PDE9A: variants seen among roughly 807,000 people sequenced by gnomAD.
PDE9A encodes the protein high affinity cGMP-specific 3',5'-cyclic phosphodiesterase 9A.
Under a neutral mutation model 87.4 loss-of-function variants are expected in PDE9A, and 60 were observed. The observed-to-expected ratio is 0.69, with a 90% confidence interval of 0.56 to 0.85. PDE9A has a LOEUF of 0.85. PDE9A is among the 40% of genes least tolerant of loss of function. The probability of loss-of-function intolerance (pLI) is 0.00; values close to 1 mark genes in which losing one functional copy is unlikely to be tolerated. For missense variants in PDE9A, 665 were observed against 779.0 expected (o/e 0.85, Z 1.74); for synonymous variants, 272 against 279.4 (o/e 0.97, Z 0.27).
intron 4 of PDE9A, among the ~76,000 whole-genome samples, chr21:42,712,583 C>T (rs938532878): frequency 6.6e-6 from 1 of 152,178 alleles, no homozygotes; most frequent in African/African-American, 2.4e-5. Context: ...ACGTCCTCGC[C>T]TTGTTCCCAA....
At chr21:42,670,421 CACTT>C (rs1305181653) in intron 1 of PDE9A, among the ~76,000 whole-genome samples, 63 of 71,216 alleles carry the variant, frequency 8.8e-4, no homozygotes, top group Middle Eastern at 7.1e-3. Context: ...CATTCACACG[CACTT>C]ACAGTCACAC....
intron 9 of PDE9A, among the ~76,000 whole-genome samples, chr21:42,753,119 A>T (rs2284969): frequency 1.3e-5 from 2 of 151,846 alleles, no homozygotes; most frequent in African/African-American, 4.8e-5. Flanking sequence ...CAATTCTCCC[A>T]CCTCAGGCTC....
intron 8 of PDE9A, among the ~76,000 whole-genome samples, chr21:42,744,454 C>T (rs1423769283): frequency 6.6e-6 from 1 of 152,042 alleles, no homozygotes; most frequent in Non-Finnish European, 1.5e-5. Flanking sequence ...GCAATGTGTC[C>T]AGCTTGGAAT....
Position 42,759,543 on chromosome 21 carries a change from AGTGTGGG to A in PDE9A, c.897+466_897+472del, listed in dbSNP as rs1386909557. Reference sequence around the variant, plus strand: ...ATGTGTGGGAGCGTGTGTGTGTGTGAGTGTGGGGTGTGGGTGTGAGCATGGGGGTATC... The same window carrying A: ...ATGTGTGGGAGCGTGTGTGTGTGTGAGTGTGGGTGTGAGCATGGGGGTATC... On this transcript the variant is annotated intron_variant, in intron 11 of 19. Transcript: ENST00000291539. This position sits in a 1 kb window ranked among gnomAD's most constrained non-coding sequence, Gnocchi z 7.2. 2.9e-5 allele frequency among the ~76,000 whole-genome samples: 4 copies of A among 138,542 alleles called. No homozygotes were observed. The highest frequency in any genetic ancestry group is 2.1e-4 in the Admixed American group (3 of 14,108). 90.9% of individuals were successfully genotyped at this position (138,542 alleles called of 152,430 possible). A position where few individuals can be genotyped will look rare whatever the true frequency, so the allele number is the denominator to read the frequency against.
intron 1 of PDE9A, among the ~76,000 whole-genome samples, chr21:42,674,469 G>T (rs1191196714): frequency 6.6e-6 from 1 of 152,048 alleles, no homozygotes; most frequent in East Asian, 1.9e-4. Flanking sequence ...GTGACTCTCA[G>T]GATGGAAGAA....
intron 8 of PDE9A, among the ~76,000 whole-genome samples, chr21:42,744,199 A>G (rs2053605791): frequency 6.6e-6 from 1 of 152,186 alleles, no homozygotes; most frequent in East Asian, 1.9e-4. Context: ...CTAAAAATAC[A>G]AACGGTAGCC....
intron 4 of PDE9A, among the ~76,000 whole-genome samples, chr21:42,719,639 CAAAAAAA>C (rs35644198): frequency 4.6e-5 from 6 of 131,150 alleles, no homozygotes; most frequent in South Asian, 2.5e-4. Context: ...GAGTCTGTCT[CAAAAAAA>C]AAAAAAAAAA....
intron 4 of PDE9A, among the ~76,000 whole-genome samples, chr21:42,699,541 CCTTTTT>C (rs201983519): frequency 6.8e-6 from 1 of 146,832 alleles, no homozygotes; most frequent in Non-Finnish European, 1.5e-5. Context: ...GTGTTACAAT[CCTTTTT>C]CTTTTTCTTT....
In PDE9A at chr21:42,760,994, C is replaced by T. The variant is rs2055698395; in HGVS notation, c.1085+87C>T. ...TGTCAGCCCAACCCTCAGAGCAGTT[C>T]CCAGATGGAGCTGTCAACGACGGCC... On this transcript the variant is annotated intron_variant, in intron 13 of 19. Coordinates refer to ENST00000291539, the MANE Select transcript of PDE9A (RefSeq NM_002606.3). The surrounding 1 kb of genome is among the most constrained non-coding windows in gnomAD (Gnocchi z 5.2). The T allele has an allele frequency of 1.2e-6, 1 of 862,054 alleles. No homozygotes were observed. The highest frequency in any genetic ancestry group is 2.0e-6 in the Non-Finnish European group (1 of 505,348). 53.4% of individuals were successfully genotyped at this position (862,054 alleles called of 1,614,324 possible).
chr21:42,762,026 G>T (rs929721045), intron 13 of PDE9A, 57 bp from the exon 14 acceptor site: 2 of 1,552,838 alleles, frequency 1.3e-6, no homozygotes, highest in Admixed American at 1.7e-5. Context: ...TTGCTCCCCC[G>T]TGCAGGTACC....
intron 4 of PDE9A, among the ~76,000 whole-genome samples, chr21:42,712,534 A>G (rs2049445000): frequency 3.9e-5 from 6 of 152,188 alleles, no homozygotes. Context: ...TTGTTGTACT[A>G]GTTGAAACTG....
chr21:42,689,679 C>T (rs1183049579), intron 3 of PDE9A: 3 of 985,308 alleles, frequency 3.0e-6, no homozygotes, highest in African/African-American at 1.7e-5. Flanking sequence ...TCTCTGGCCC[C>T]AGGTGCCTTA....
intron 1 of PDE9A, among the ~76,000 whole-genome samples, chr21:42,668,610 G>A (rs867839333): frequency 1.3e-5 from 2 of 152,216 alleles, no homozygotes; most frequent in African/African-American, 4.8e-5. Context: ...TTATAACAGT[G>A]GAGATTGGCC....
At position 42,753,982 on chromosome 21, in the gene PDE9A, C is replaced by T. The variant is rs770728291; in HGVS notation, c.736-8C>T. On this transcript the variant is annotated splice_polypyrimidine_tract_variant and splice_region_variant and intron_variant, in intron 9 of 19. Coordinates refer to ENST00000291539, the MANE Select transcript of PDE9A (RefSeq NM_002606.3). ...GCCTGGTTAACACGGAACTCCTGTC[C>T]TTTCTAGTACCTGCTCTCTCCAGAG... 5 of 1,602,260 alleles carry T rather than the reference C, an allele frequency of 3.1e-6. No individual in the cohort carries two copies. The highest frequency in any genetic ancestry group is 4.3e-6 in the Non-Finnish European group (5 of 1,170,070).
At chr21:42,697,628 G>T (rs1275940410) in intron 3 of PDE9A, 2 of 706,208 alleles carry the variant, frequency 2.8e-6, no homozygotes, top group Non-Finnish European at 5.1e-6. Context: ...GTGTGGGCAG[G>T]TTCTGTTCCT....
chr21:42,678,879 G>A (rs2059000611), intron 1 of PDE9A, among the ~76,000 whole-genome samples: 1 of 152,252 alleles, frequency 6.6e-6, no homozygotes. Flanking sequence ...AGGCAGCGTG[G>A]CACGGCACCC....
At chr21:42,706,166 T>G (rs2048815098) in intron 4 of PDE9A, among the ~76,000 whole-genome samples, 1 of 152,160 alleles carries the variant, frequency 6.6e-6, no homozygotes, top group Non-Finnish European at 1.5e-5. Context: ...TTCCCCCAGG[T>G]GGTGACCAAA....
At chr21:42,668,037 G>T (rs1174800656) in intron 1 of PDE9A, among the ~76,000 whole-genome samples, 1 of 152,152 alleles carries the variant, frequency 6.6e-6, no homozygotes, top group South Asian at 2.1e-4. Context: ...TTCCACTCCT[G>T]TCTGCCTTCC....
rs749388650 is a variant in PDE9A, at chr21:42,765,485, C to G, written c.1347C>G (p.His449Gln). 6.3e-7 allele frequency: 1 copy of G among 1,597,568 alleles called. No individual in the cohort carries two copies. Among genetic ancestry groups the G allele is most frequent in the South Asian group, 1.1e-5 (1 of 90,542 alleles). The change falls in exon 15 of 20, where the codon CAC (histidine) becomes CAG (glutamine). Residue 449 changes from histidine to glutamine, a missense_variant. Transcript: ENST00000291539. ...MENFDYSNEEHMTLLKMILIK... is the reference protein window; with the variant it reads ...MENFDYSNEEQMTLLKMILIK... Reference sequence around the variant, plus strand: ...ATTTTGACTACAGCAACGAGGAGCACATGACCCTGGTGAGTGGCTTATTCT... The same window carrying G: ...ATTTTGACTACAGCAACGAGGAGCAGATGACCCTGGTGAGTGGCTTATTCT...
Sources: gnomAD v4.1 joint callset for allele counts (sites outside exome capture counted in the v4.1 genomes callset) on GRCh38, gnomAD v4.1.1 for gene constraint, Gnocchi (gnomAD v3.1) non-coding constraint, MANE v1.5 for transcripts, NCBI Gene and HGNC (gene_info 2026-07-23, HGNC 2026-07-21) for gene names.